The following CDYL2 variants were observed in gnomAD, a reference collection of about 807,000 sequenced individuals.
CDYL2 encodes chromodomain Y like 2.
In CDYL2, 23 loss-of-function variants were observed where a neutral mutation model predicts 49.4. The observed-to-expected ratio is 0.47, with a 90% CI of 0.34 to 0.66. The LOEUF (loss-of-function observed/expected upper bound fraction) is 0.66, where lower values mean the gene tolerates loss of function less well. Among genes scored for constraint, CDYL2 ranks in the 30% least tolerant of loss-of-function variants. The probability of loss-of-function intolerance (pLI) is 0.01; values close to 1 mark genes in which losing one functional copy is unlikely to be tolerated. For missense variants in CDYL2, 678 were observed against 656.4 expected, an observed-to-expected ratio of 1.03 and a Z score of -0.36; for synonymous variants, 360 against 268.8, an observed-to-expected ratio of 1.34 and a Z score of -3.32.
In CDYL2 at chr16:80,709,915, T is replaced by G. The variant is rs374233343; in HGVS notation, c.25-24786A>C. On this transcript the variant is annotated intron_variant, in intron 1 of 6. Coordinates refer to ENST00000570137, the MANE Select transcript of CDYL2 (RefSeq NM_152342.4). ...GCCCTATTTTTTAATTACATGATTA[T>G]GGACAGCAGGCTGATTTTTTTTTTT... 3.9e-4 allele frequency among the ~76,000 whole-genome samples: 59 copies of G among 151,272 alleles called. No individual in the cohort carries two copies. In the South Asian group the frequency reaches 0.012, roughly 30 times the overall value.
At chr16:80,781,113 G>C (rs1303921166) in intron 1 of CDYL2, among the ~76,000 whole-genome samples, 1 of 152,092 alleles carries the variant, frequency 6.6e-6, no homozygotes, top group African/African-American at 2.4e-5. Flanking sequence ...ACTTCAATAG[G>C]CTAAAAGTGG....
intron 2 of CDYL2, among the ~76,000 whole-genome samples, chr16:80,673,096 T>C (rs1184292522): frequency 2.6e-5 from 4 of 152,098 alleles, no homozygotes; most frequent in Admixed American, 6.5e-5. Flanking sequence ...GGTGGGTGGA[T>C]CACTTGAGGT....
intron 1 of CDYL2, among the ~76,000 whole-genome samples, chr16:80,722,955 C>A (rs1905048142): frequency 6.6e-6 from 1 of 152,160 alleles, no homozygotes; most frequent in African/African-American, 2.4e-5. Flanking sequence ...CCTTAGAGGG[C>A]AAGGAGGATT....
chr16:80,734,354 T>C (rs559682299), intron 1 of CDYL2, among the ~76,000 whole-genome samples: 1 of 152,292 alleles, frequency 6.6e-6, no homozygotes, highest in African/African-American at 2.4e-5. Context: ...CCATGAAGTT[T>C]TTGAGGAACA....
rs373490866 is a variant in CDYL2, at chr16:80,633,251, T to C, written c.617-15A>G. The C allele has an allele frequency of 6.2e-7, 1 of 1,606,624 alleles. No homozygotes were observed. On this transcript the variant is annotated splice_polypyrimidine_tract_variant and intron_variant, in intron 2 of 6. Transcript: ENST00000570137. ...CAGAGCAGAGCCTTCCAAAACCAGA[T>C]AAACAATGTAAGAAACTGAAATGGA...
chr16:80,740,198 G>A (rs750653654), intron 1 of CDYL2, among the ~76,000 whole-genome samples: 2 of 152,188 alleles, frequency 1.3e-5, no homozygotes, highest in Non-Finnish European at 2.9e-5. Flanking sequence ...AGCACGTCCA[G>A]GAAGATGCAC....
intron 4 of CDYL2, 98 bp downstream of exon 4, chr16:80,620,665 C>T (rs912803026): frequency 2.2e-5 from 25 of 1,156,854 alleles, no homozygotes; most frequent in Non-Finnish European, 2.7e-5. Flanking sequence ...AAATAAAATT[C>T]CTGGTTGTTT....
chr16:80,694,362 T>TG (rs1910538947), intron 1 of CDYL2, among the ~76,000 whole-genome samples: 1 of 152,208 alleles, frequency 6.6e-6, no homozygotes, highest in South Asian at 2.1e-4. Context: ...TAGGAACCCC[T>TG]GCTCTAGTTG....
At chr16:80,646,745 C>A (rs905523466) in intron 2 of CDYL2, among the ~76,000 whole-genome samples, 1 of 151,906 alleles carries the variant, frequency 6.6e-6, no homozygotes, top group South Asian at 2.1e-4. Context: ...GCCAAGATTG[C>A]GCCACTGCAC....
intron 1 of CDYL2, among the ~76,000 whole-genome samples, chr16:80,788,853 A>T (rs1016381323): frequency 6.6e-5 from 10 of 152,304 alleles, no homozygotes; most frequent in African/African-American, 2.4e-4. Flanking sequence ...TGCCCTCATC[A>T]AAGGACTAAT....
intron 1 of CDYL2, among the ~76,000 whole-genome samples, chr16:80,729,998 A>G (rs895689258): frequency 3.9e-5 from 6 of 152,214 alleles, no homozygotes; most frequent in African/African-American, 1.4e-4. Context: ...AAGAGAAAGC[A>G]GGAAAGATCC....
At chr16:80,726,968 C>A (rs777731363) in intron 1 of CDYL2, among the ~76,000 whole-genome samples, 1 of 152,146 alleles carries the variant, frequency 6.6e-6, no homozygotes, top group Non-Finnish European at 1.5e-5. Context: ...TGCCTATAGT[C>A]CCAGCTACCC....
chr16:80,643,490 G>T (rs1908194946), intron 2 of CDYL2, among the ~76,000 whole-genome samples: 1 of 152,224 alleles, frequency 6.6e-6, no homozygotes, highest in Non-Finnish European at 1.5e-5. Flanking sequence ...TCTGTGTGGG[G>T]GCGGTGAGCC....
At chr16:80,760,733 G>C (rs1003180608) in intron 1 of CDYL2, among the ~76,000 whole-genome samples, 2 of 151,626 alleles carry the variant, frequency 1.3e-5, no homozygotes, top group Non-Finnish European at 2.9e-5. Context: ...AATCTTATAA[G>C]CCAAACAGAT....
intron 2 of CDYL2, among the ~76,000 whole-genome samples, chr16:80,651,913 G>T (rs1383331133): frequency 2.0e-5 from 3 of 152,208 alleles, no homozygotes; most frequent in East Asian, 3.8e-4. Context: ...GGTTTTCACT[G>T]TGGGAGTTGG....
At chr16:80,746,014 G>T (rs138456804) in intron 1 of CDYL2, among the ~76,000 whole-genome samples, 26 of 152,242 alleles carry the variant, frequency 1.7e-4, no homozygotes, top group Middle Eastern at 3.4e-3. Flanking sequence ...GGTAAAGCTC[G>T]CACTTGTCTC....
intron 2 of CDYL2, among the ~76,000 whole-genome samples, chr16:80,644,571 T>C (rs1336431102): frequency 1.3e-5 from 2 of 152,174 alleles, no homozygotes; most frequent in Non-Finnish European, 2.9e-5. Flanking sequence ...CTCAGAATCA[T>C]GGCAGCATGC....
chr16:80,653,886 G>C (rs1908691707), intron 2 of CDYL2, among the ~76,000 whole-genome samples: 1 of 152,170 alleles, frequency 6.6e-6, no homozygotes, highest in African/African-American at 2.4e-5. Context: ...GGCTGCTCCA[G>C]GGTCCAGGCT....
intron 1 of CDYL2, among the ~76,000 whole-genome samples, chr16:80,724,721 A>G (rs1336294346): frequency 6.6e-6 from 1 of 152,300 alleles, no homozygotes; most frequent in East Asian, 1.9e-4. Context: ...CACAGTCAAG[A>G]AAGTTTGAAA....
Sources: allele counts gnomAD v4.1 joint callset (sites outside exome capture counted in the v4.1 genomes callset), GRCh38; gene constraint gnomAD v4.1.1; transcripts MANE v1.5; gene names NCBI Gene and HGNC (gene_info 2026-07-23, HGNC 2026-07-21).